AGAP1: variants seen among roughly 807,000 people sequenced by gnomAD.
AGAP1 encodes the protein ArfGAP with GTPase domain, ankyrin repeat and PH domain 1.
Under a neutral mutation model 105.3 loss-of-function variants are expected in AGAP1, and 29 were observed. That is an observed-to-expected ratio of 0.28 (90% CI 0.21 to 0.38). The LOEUF (loss-of-function observed/expected upper bound fraction) is 0.38. Ranked by LOEUF, AGAP1 falls within the 10% of genes least tolerant of loss-of-function variation. The pLI, the probability that AGAP1 is intolerant of heterozygous loss-of-function variation, is 1.00. For missense variants in AGAP1, 998 were observed against 1,165.1 expected (o/e 0.86, Z 2.09); for synonymous variants, 509 against 485.9 (o/e 1.05, Z -0.63).
chr2:236,028,257 A>G (rs1038102650), intron 13 of AGAP1, among the ~76,000 whole-genome samples: 1 of 152,156 alleles, frequency 6.6e-6, no homozygotes, highest in Non-Finnish European at 1.5e-5. Flanking sequence ...TAATTAGCCA[A>G]TTAGCCTGGG....
At position 235,496,232 on chromosome 2, in the gene AGAP1, CAGGGG is replaced by C. The variant is rs554971495; in HGVS notation, c.163+1387_163+1391del. 2.5e-3 allele frequency among the ~76,000 whole-genome samples: 388 copies of C among 152,314 alleles called. 1 individual carries two copies. The highest frequency in any genetic ancestry group is 4.2e-3 in the Admixed American group (64 of 15,298). ...ATACCCTTGGGGGACTTGTTAATTC[CAGGGG>C]AGGATCCGGGTGGAGCTCCAGCCTT... On this transcript the variant is annotated intron_variant, in intron 1 of 17. Coordinates refer to ENST00000304032, the MANE Select transcript of AGAP1 (RefSeq NM_001037131.3).
In AGAP1 at chr2:236,080,496, A is replaced by T. The variant is rs1369039534; in HGVS notation, c.2114+31215A>T. On this transcript the variant is annotated intron_variant, in intron 16 of 17. Transcript: ENST00000304032. This position sits in a 1 kb window ranked among gnomAD's most constrained non-coding sequence, Gnocchi z 4.2. ...TCTATGGCCAAGAGGGACAGATCAC[A>T]CTAGACATCAAGCTCAATGGATGCC... Among the ~76,000 whole-genome samples, 1 of 152,216 alleles carries T rather than the reference A, an allele frequency of 6.6e-6. No homozygotes were observed. Among genetic ancestry groups the T allele is most frequent in the Non-Finnish European group, 1.5e-5 (1 of 68,026 alleles).
chr2:235,694,589 A>G (rs1029205947), intron 1 of AGAP1, among the ~76,000 whole-genome samples: 1 of 151,676 alleles, frequency 6.6e-6, no homozygotes, highest in African/African-American at 2.4e-5. Context: ...TGGAGGTTGC[A>G]GTCAGCCGAG....
intron 12 of AGAP1, among the ~76,000 whole-genome samples, chr2:235,939,234 G>A (rs1422067224): frequency 6.6e-6 from 1 of 152,086 alleles, no homozygotes; most frequent in Non-Finnish European, 1.5e-5. Flanking sequence ...CTTGCCTGAA[G>A]GCCCTCTGCA....
At chr2:235,726,278 C>T (rs1951640336) in intron 3 of AGAP1, among the ~76,000 whole-genome samples, 1 of 152,176 alleles carries the variant, frequency 6.6e-6, no homozygotes, top group African/African-American at 2.4e-5. Flanking sequence ...CACAGAGGCT[C>T]ATGTGTGTCC....
intron 1 of AGAP1, among the ~76,000 whole-genome samples, chr2:235,580,235 C>T (rs1316679138): frequency 6.6e-6 from 1 of 152,048 alleles, no homozygotes; most frequent in African/African-American, 2.4e-5. Flanking sequence ...CTTGAGTTGC[C>T]ATTTTCACCT....
At position 235,957,287 on chromosome 2, in the gene AGAP1, CGTAA is replaced by C. The variant is rs1465684830; in HGVS notation, c.1484-11174_1484-11171del. Among the ~76,000 whole-genome samples, 4 of 152,144 alleles carry C rather than the reference CGTAA, an allele frequency of 2.6e-5. No individual in the cohort carries two copies. The highest frequency in any genetic ancestry group is 9.7e-5 in the African/African-American group (4 of 41,424). ...GGCTTAATTTAGAGAGATCTCTGGG[CGTAA>C]TTGAAAATGGCCCAAGTAGGCAATT... On this transcript the variant is annotated intron_variant, in intron 12 of 17. Transcript: ENST00000304032. The surrounding 1 kb of genome is among the most constrained non-coding windows in gnomAD (Gnocchi z 4.6).
Position 235,874,006 on chromosome 2 carries a change from G to C in AGAP1, c.1051-9339G>C, listed in dbSNP as rs941176393. On this transcript the variant is annotated intron_variant, in intron 9 of 17. Coordinates refer to ENST00000304032, the MANE Select transcript of AGAP1 (RefSeq NM_001037131.3). This position sits in a 1 kb window ranked among gnomAD's most constrained non-coding sequence, Gnocchi z 4.5. Reference sequence around the variant, plus strand: ...CATCTCCCAAAGTGCTGGGGTCACAGGCGTGAGCCATCACGCCCAGCCCAG... The same window carrying C: ...CATCTCCCAAAGTGCTGGGGTCACACGCGTGAGCCATCACGCCCAGCCCAG... Among the ~76,000 whole-genome samples, 1 of 152,130 alleles carries C rather than the reference G, an allele frequency of 6.6e-6. No individual in the cohort carries two copies. Among genetic ancestry groups the C allele is most frequent in the Non-Finnish European group, 1.5e-5 (1 of 68,028 alleles).
intron 2 of AGAP1, among the ~76,000 whole-genome samples, chr2:235,711,748 C>T (rs1042145960): frequency 3.3e-5 from 5 of 152,146 alleles, no homozygotes; most frequent in Admixed American, 6.5e-5. Flanking sequence ...CTGAAGAAAG[C>T]GCTGCTTTGT....
In AGAP1 at chr2:235,928,095, C is replaced by T. The variant is rs1288414626; in HGVS notation, c.1325-2670C>T. Among the ~76,000 whole-genome samples, 3 of 152,250 alleles carry T rather than the reference C, an allele frequency of 2.0e-5. No individual in the cohort carries two copies. The South Asian group carries it at 6.2e-4, about 32-fold the overall frequency. ...AGTCAGGGTCCCAGCAAGGGAGGTG[C>T]CCCCCCAATCGCACCCCCAGCTGCT... On this transcript the variant is annotated intron_variant, in intron 11 of 17. Coordinates refer to ENST00000304032, the MANE Select transcript of AGAP1 (RefSeq NM_001037131.3).
intron 9 of AGAP1, among the ~76,000 whole-genome samples, chr2:235,823,935 GAA>G (rs1181320206): frequency 6.6e-6 from 1 of 152,166 alleles, no homozygotes; most frequent in Non-Finnish European, 1.5e-5. Flanking sequence ...TTATAGATGA[GAA>G]AGCTGAGGCT....
intron 1 of AGAP1, among the ~76,000 whole-genome samples, chr2:235,680,593 T>G (rs80347771): frequency 0.032 from 4,839 of 151,744 alleles, 258 homozygotes; most frequent in African/African-American, 0.11. Context: ...CCTGGTGTCT[T>G]GTCCTTGGCA....
intron 1 of AGAP1, among the ~76,000 whole-genome samples, chr2:235,668,920 G>C (rs1359603912): frequency 6.6e-6 from 1 of 152,100 alleles, no homozygotes; most frequent in Non-Finnish European, 1.5e-5. Context: ...GGGCAGGCAC[G>C]TCTGTCTGCT....
rs2051060989 is a variant in AGAP1 at position 235,901,468 on chromosome 2, C to T, written c.1156-7270C>T. On this transcript the variant is annotated intron_variant, in intron 10 of 17. Coordinates refer to ENST00000304032, the MANE Select transcript of AGAP1 (RefSeq NM_001037131.3). This position sits in a 1 kb window ranked among gnomAD's most constrained non-coding sequence, Gnocchi z 4.3. ...TTACAATATCTTTCCACAGTCCAAC[C>T]CTTTGCTCCTCCCCGGTTGTGTACA... 1.3e-5 allele frequency among the ~76,000 whole-genome samples: 2 copies of T among 152,140 alleles called. No individual in the cohort carries two copies. Among genetic ancestry groups the T allele is most frequent in the South Asian group, 4.1e-4 (2 of 4,824 alleles).
Position 235,494,765 on chromosome 2 carries a change from A to G in AGAP1, c.79A>G (p.Ile27Val), listed in dbSNP as rs758378377. Reference sequence around the variant, plus strand: ...GCGCTTCGAGTCGGTCCACCCCAACATCTACTCCATCTACGAGCTGCTGGA... The same window carrying G: ...GCGCTTCGAGTCGGTCCACCCCAACGTCTACTCCATCTACGAGCTGCTGGA... ...IQRFESVHPN[I>V]YSIYELLERV... The change falls in exon 1 of 18, where the codon ATC becomes GTC. Residue 27 changes from isoleucine to valine, a missense_variant. Physicochemically the swap from Ile to Val is conservative, Grantham distance 29. Around this residue, in one of 3 missense-constraint regions of AGAP1, gnomAD observed 735 missense variants for 833.4 expected, o/e 0.88. Coordinates refer to ENST00000304032, the MANE Select transcript of AGAP1 (RefSeq NM_001037131.3). 1.4e-5 allele frequency: 22 copies of G among 1,577,224 alleles called. No homozygotes were observed. The highest frequency in any genetic ancestry group is 2.5e-5 in the East Asian group (1 of 40,376).
At position 236,059,617 on chromosome 2, in the gene AGAP1, G is replaced by A. The variant is rs62189408; in HGVS notation, c.2114+10336G>A. 5.1e-3 allele frequency among the ~76,000 whole-genome samples: 780 copies of A among 152,274 alleles called. 4 individuals carry two copies. Among genetic ancestry groups the A allele is most frequent in the Non-Finnish European group, 7.9e-3 (538 of 68,032 alleles). ...CCTGTGTGATATTGGTGTAAAAATA[G>A]ACACACACGTCAATGAAGCGGAATC... On this transcript the variant is annotated intron_variant, in intron 16 of 17. Coordinates refer to ENST00000304032, the MANE Select transcript of AGAP1 (RefSeq NM_001037131.3).
intron 9 of AGAP1, among the ~76,000 whole-genome samples, chr2:235,856,038 C>T (rs974403018): frequency 6.6e-6 from 1 of 152,062 alleles, no homozygotes; most frequent in African/African-American, 2.4e-5. Context: ...CTCGGCCTCT[C>T]GAGTAGCTGG....
At chr2:235,687,960 G>A (rs1029672592) in intron 1 of AGAP1, among the ~76,000 whole-genome samples, 1 of 133,598 alleles carries the variant, frequency 7.5e-6, no homozygotes, top group Non-Finnish European at 1.5e-5. Flanking sequence ...GGAGTGCAGT[G>A]GCGCCATCTT....
At position 235,636,958 on chromosome 2, in the gene AGAP1, G is replaced by A. The variant is rs111736675; in HGVS notation, c.164-72221G>A. On this transcript the variant is annotated intron_variant, in intron 1 of 17. Coordinates refer to ENST00000304032, the MANE Select transcript of AGAP1 (RefSeq NM_001037131.3). ...AAGGATAACCAGACAGCCGCCAGAA[G>A]CCAGGACAGAGGCTCGCAGCAGACC... Among the ~76,000 whole-genome samples the A allele has an allele frequency of 6.0e-3, 916 of 152,210 alleles. 13 individuals carry two copies. The highest frequency in any genetic ancestry group is 0.021 in the African/African-American group (876 of 41,526).
Sources: allele counts gnomAD v4.1 joint callset (sites outside exome capture counted in the v4.1 genomes callset), GRCh38; gene constraint gnomAD v4.1.1; regional missense constraint gnomAD v4.1.1; non-coding constraint Gnocchi (gnomAD v3.1); transcripts MANE v1.5; gene names NCBI Gene and HGNC (gene_info 2026-07-23, HGNC 2026-07-21).